CCT8L2: variants seen among roughly 807,000 people sequenced by gnomAD.
The protein encoded by CCT8L2 is T-complex protein 1 subunit theta-like 2.
In CCT8L2, 29 loss-of-function variants were observed where a neutral mutation model predicts 31.5. The observed-to-expected ratio is 0.92, with a 90% CI of 0.68 to 1.25. CCT8L2 has a LOEUF of 1.25. CCT8L2 is among the 50% of genes most tolerant of loss of function. The pLI is 0.00. For missense variants in CCT8L2, 589 were observed against 695.7 expected, an observed-to-expected ratio of 0.85 and a Z score of 1.73; for synonymous variants, 256 against 290.1, an observed-to-expected ratio of 0.88 and a Z score of 1.19.
rs768464705 is a variant in CCT8L2 at position 16,592,555 on chromosome 22, C to T, written c.-5G>A. 1.1e-5 allele frequency: 17 copies of T among 1,592,058 alleles called. No individual in the cohort carries two copies. Among genetic ancestry groups the T allele is most frequent in the East Asian group, 9.0e-5 (4 of 44,620 alleles). The stretch of plus-strand genomic sequence containing the variant: ...TGAAGGGACTGTGCTGTCCATGGCC[C>T]GCAGAGAGAGGAGAGGCCACCGTGG... On this transcript the variant is annotated 5_prime_UTR_variant, in exon 1 of 1. Coordinates refer to ENST00000359963, the MANE Select transcript of CCT8L2 (RefSeq NM_014406.5).
chr22:16,590,851 C>T lies in CCT8L2; in HGVS notation c.*26G>A. 1 of 1,494,138 alleles carries T rather than the reference C, an allele frequency of 6.7e-7. No homozygotes were observed. Among genetic ancestry groups the T allele is most frequent in the Non-Finnish European group, 9.1e-7 (1 of 1,093,962 alleles). 92.6% of individuals were successfully genotyped at this position (1,494,138 alleles called of 1,614,324 possible). ...TTTGGGGTGATTGTTCCCTTCTTGG[C>T]AATCCCTGTTTTATTGAGGGTATCA... On this transcript the variant is annotated 3_prime_UTR_variant, in exon 1 of 1. Coordinates refer to ENST00000359963, the MANE Select transcript of CCT8L2 (RefSeq NM_014406.5).
rs1568981308 is a variant in CCT8L2 at position 16,590,795 on chromosome 22, A to T, written c.*82T>A. On this transcript the variant is annotated 3_prime_UTR_variant, in exon 1 of 1. Transcript: ENST00000359963. ...TTTATTTAAAGAAAGTGAATCAAGTACCAAACACGGAATAAAGGCAAACAT... is the reference window on the plus strand; with the variant it reads ...TTTATTTAAAGAAAGTGAATCAAGTTCCAAACACGGAATAAAGGCAAACAT... 1.1e-5 allele frequency: 11 copies of T among 1,039,398 alleles called. No individual in the cohort carries two copies. In the East Asian group the frequency reaches 2.6e-4, roughly 25 times the overall value. The allele number at this position is 1,039,398 out of a possible 1,614,324, so 64.4% of individuals were successfully genotyped here.
Position 16,590,757 on chromosome 22 carries a change from G to T in CCT8L2, c.*120C>A, listed in dbSNP as rs573565955. ...CTAAGCGCATGAAAAGAAATTTTAT[G>T]TTCCTTCATGTTTTTATTTAAAGAA... On this transcript the variant is annotated 3_prime_UTR_variant, in exon 1 of 1. Transcript: ENST00000359963. The T allele has an allele frequency of 1.6e-5, 13 of 796,858 alleles. No individual in the cohort carries two copies. The South Asian group carries it at 2.3e-4, about 14-fold the overall frequency. The allele number at this position is 796,858 out of a possible 1,614,324, so 49.4% of individuals were successfully genotyped here.
Position 16,592,170 on chromosome 22 carries a change from C to G in CCT8L2, c.381G>C (p.Leu127=), listed in dbSNP as rs758059025. The G allele has an allele frequency of 5.0e-6, 8 of 1,614,180 alleles. No homozygotes were observed. In the East Asian group the frequency reaches 6.7e-5, roughly 13 times the overall value. ...EQAEQLLKAG[L]PRPQLREAYA... is the part of the protein sequence containing the mutation. ...AGGCCTCCCGGAGCTGCGGGCGAGG[C>G]AGGCCAGCCTTCAGCAGCTGCTCTG... The change falls in exon 1 of 1, where the codon CTG becomes CTC. Residue 127 remains leucine (L), a synonymous_variant. Coordinates refer to ENST00000359963, the MANE Select transcript of CCT8L2 (RefSeq NM_014406.5).
Position 16,590,901 on chromosome 22 carries a change from T to G in CCT8L2, c.1650A>C (p.Lys550Asn). ...TKKHPPPVET[K>N]KILGLNN ...ACTAGTTATTCAATCCAAGGATTTT[T>G]TTTGTTTCCACAGGAGGTGGGTGTT... The change falls in exon 1 of 1, where the codon AAA becomes AAC. Residue 550 changes from lysine (K) to asparagine (N), a missense_variant. Coordinates refer to ENST00000359963, the MANE Select transcript of CCT8L2 (RefSeq NM_014406.5). The G allele has an allele frequency of 1.9e-6, 3 of 1,610,472 alleles. No individual in the cohort carries two copies. The highest frequency in any genetic ancestry group is 1.1e-5 in the South Asian group (1 of 90,298).
rs747219122 is a variant in CCT8L2 at position 16,592,455 on chromosome 22, G to A, written c.96C>T (p.His32=). 1.9e-6 allele frequency: 3 copies of A among 1,614,160 alleles called. No homozygotes were observed. The highest frequency in any genetic ancestry group is 2.5e-6 in the Non-Finnish European group (3 of 1,180,038). ...SPRSPEEEEP[H]LLSSLAAVQT... ...GGACTGCAGCCAAGCTGCTCAGCAG[G>A]TGGGGCTCCTCCTCTTCTGGACTCC... Residue 32 remains histidine, a synonymous_variant, in exon 1 of 1, where the codon CAC becomes CAT. Coordinates refer to ENST00000359963, the MANE Select transcript of CCT8L2 (RefSeq NM_014406.5).
In CCT8L2 at chr22:16,590,944, T is replaced by A. The variant is rs769654962; in HGVS notation, c.1607A>T (p.Asp536Val). The A allele has an allele frequency of 6.2e-7, 1 of 1,613,752 alleles. No homozygotes were observed. ...TGGGTGTTTCTTTGTCTTCTTAGAGTCAGGATTCCAGATCTCCTGATGTGT... is the reference window on the plus strand; with the variant it reads ...TGGGTGTTTCTTTGTCTTCTTAGAGACAGGATTCCAGATCTCCTGATGTGT... Reference protein sequence around the residue: ...SPTHQEIWNPDSKKTKKHPPP... With the variant: ...SPTHQEIWNPVSKKTKKHPPP... The change falls in exon 1 of 1, where the codon GAC (aspartate) becomes GTC (valine). Residue 536 changes from aspartate (D) to valine (V), a missense_variant. Coordinates refer to ENST00000359963, the MANE Select transcript of CCT8L2 (RefSeq NM_014406.5).
Position 16,591,924 on chromosome 22 carries a change from G to C in CCT8L2, c.627C>G (p.Pro209=), listed in dbSNP as rs530849622. The C allele has an allele frequency of 1.2e-6, 2 of 1,614,068 alleles. No individual in the cohort carries two copies. Among genetic ancestry groups the C allele is most frequent in the African/African-American group, 2.7e-5 (2 of 75,014 alleles). The change falls in exon 1 of 1, where the codon CCC becomes CCG. Residue 209 remains proline, a synonymous_variant. Transcript: ENST00000359963. ...GGCAGGAATCCTCCAGTGTCCCCCC[G>C]GGCAGCGCGCACACCCCAACACGCT... The part of the protein sequence containing the change: ...KPERVGVCAL[P]GGTLEDSCLL...
chr22:16,591,597 C>T lies in CCT8L2; in HGVS notation c.954G>A (p.Arg318=). 1 of 1,614,192 alleles carries T rather than the reference C, an allele frequency of 6.2e-7. No homozygotes were observed. The highest frequency in any genetic ancestry group is 8.5e-7 in the Non-Finnish European group (1 of 1,180,022). ...DKYGIVVIQA[R]SWMEIIYLSE... is the part of the protein sequence containing the mutation. ...TCAGGTAAATGATCTCCATCCAAGA[C>T]CTAGCTTGAATCACCACGATGCCAT... Residue 318 remains arginine (R), a synonymous_variant, in exon 1 of 1, where the codon AGG becomes AGA. Transcript: ENST00000359963.
In CCT8L2 at chr22:16,592,326, G is replaced by A; in HGVS notation, c.225C>T (p.Ala75=). 1 of 1,614,208 alleles carries A rather than the reference G, an allele frequency of 6.2e-7. No homozygotes were observed. The highest frequency in any genetic ancestry group is 8.5e-7 in the Non-Finnish European group (1 of 1,180,026). ...GETVCTGCAT[A]ILRALELEHP... ...GCTCCAGCTCCAGGGCCCTGAGGAT[G>A]GCAGTGGCACACCCCGTGCACACTG... The change falls in exon 1 of 1, where the codon GCC becomes GCT. Residue 75 remains alanine, a synonymous_variant. Coordinates refer to ENST00000359963, the MANE Select transcript of CCT8L2 (RefSeq NM_014406.5).
Position 16,591,301 on chromosome 22 carries a change from A to G in CCT8L2, c.1250T>C (p.Met417Thr). 1.2e-6 allele frequency: 2 copies of G among 1,613,998 alleles called. No individual in the cohort carries two copies. The highest frequency in any genetic ancestry group is 2.2e-5 in the East Asian group (1 of 44,884). Residue 417 changes from methionine to threonine, a missense_variant, in exon 1 of 1, where the codon ATG (methionine) becomes ACG (threonine). Physicochemically the swap from Met to Thr is moderately conservative, Grantham distance 81 (BLOSUM62 -1). Transcript: ENST00000359963. Reference protein sequence around the residue: ...RLIPGAGATEMALAKMLSDKG... With the variant: ...RLIPGAGATETALAKMLSDKG... ...ATCAGAAAGCATTTTTGCCAAAGCC[A>G]TTTCTGTGGCCCCAGCTCCTGGAAT... is the stretch of plus-strand genomic sequence containing the variant.
chr22:16,591,399 C>A lies in CCT8L2; in HGVS notation c.1152G>T (p.Gly384=). The A allele has an allele frequency of 6.2e-7, 1 of 1,614,066 alleles. No homozygotes were observed. The highest frequency in any genetic ancestry group is 8.5e-7 in the Non-Finnish European group (1 of 1,179,902). The part of the protein sequence containing the change: ...TVVLRGATTQ[G]LRSAEQAVYH... ...AGACGGCCTGCTCTGCACTCCGCAGCCCCTGGGTGGTGGCTCCCCTGAGAA... is the reference window on the plus strand; with the variant it reads ...AGACGGCCTGCTCTGCACTCCGCAGACCCTGGGTGGTGGCTCCCCTGAGAA... The change falls in exon 1 of 1, where the codon GGG becomes GGT. Residue 384 remains glycine, a synonymous_variant. Transcript: ENST00000359963.
rs1342365871 is a variant in CCT8L2, at chr22:16,592,518, C to T, written c.33G>A (p.Leu11=). The change falls in exon 1 of 1, where the codon CTG becomes CTA. Residue 11 remains leucine (L), a synonymous_variant. Transcript: ENST00000359963. ...TTGGGTTCAGTGCCAGCCGCTGGGGCAGCTCCAGGGCTGAAGGGACTGTGC... is the reference window on the plus strand; with the variant it reads ...TTGGGTTCAGTGCCAGCCGCTGGGGTAGCTCCAGGGCTGAAGGGACTGTGC... MDSTVPSALE[L]PQRLALNPRE... 1.9e-6 allele frequency: 3 copies of T among 1,613,710 alleles called. No individual in the cohort carries two copies. Among genetic ancestry groups the T allele is most frequent in the East Asian group, 2.2e-5 (1 of 44,878 alleles).
Position 16,591,126 on chromosome 22 carries a change from G to T in CCT8L2, c.1425C>A (p.Asn475Lys), listed in dbSNP as rs141401694. ...AEMSGVHQGGNLLMGVGTEGI... is the reference protein window; with the variant it reads ...AEMSGVHQGGKLLMGVGTEGI... ...CTTCAGTTCCCACACCCATTAGGAG[G>T]TTCCCACCTTGGTGCACTCCACTCA... is the stretch of plus-strand genomic sequence containing the variant. Residue 475 changes from asparagine (N) to lysine (K), a missense_variant, in exon 1 of 1, where the codon AAC becomes AAA. Coordinates refer to ENST00000359963, the MANE Select transcript of CCT8L2 (RefSeq NM_014406.5). The T allele has an allele frequency of 4.6e-4, 737 of 1,613,884 alleles. 1 individual carries two copies. The highest frequency in any genetic ancestry group is 8.8e-4 in the Admixed American group (53 of 59,996).
chr22:16,592,668 C>A lies in CCT8L2; in HGVS notation c.-118G>T. 1 of 821,132 alleles carries A rather than the reference C, an allele frequency of 1.2e-6. No homozygotes were observed. Among genetic ancestry groups the A allele is most frequent in the South Asian group, 1.8e-5 (1 of 55,004 alleles). 50.9% of individuals were successfully genotyped at this position (821,132 alleles called of 1,614,324 possible). A position where few individuals can be genotyped will look rare whatever the true frequency, so the allele number is the denominator to read the frequency against. ...CAAGAGGTCAGTGGAAGCAAGGAGC[C>A]AAATGCCCATTGATTGGTATCTGAA... On this transcript the variant is annotated 5_prime_UTR_variant, in exon 1 of 1. Transcript: ENST00000359963.
Position 16,591,745 on chromosome 22 carries a change from T to G in CCT8L2, c.806A>C (p.Gln269Pro). 1.2e-6 allele frequency: 2 copies of G among 1,614,164 alleles called. No individual in the cohort carries two copies. Among genetic ancestry groups the G allele is most frequent in the African/African-American group, 2.7e-5 (2 of 75,034 alleles). ...ARLSSPADLAQFSKGSDQLLE... is the reference protein window; with the variant it reads ...ARLSSPADLAPFSKGSDQLLE... Reference sequence around the variant, plus strand: ...TAATTGATCGCTTCCTTTACTAAATTGAGCTAGATCAGCAGGACTAGAAAG... The same window carrying G: ...TAATTGATCGCTTCCTTTACTAAATGGAGCTAGATCAGCAGGACTAGAAAG... The change falls in exon 1 of 1, where the codon CAA becomes CCA. Residue 269 changes from glutamine to proline, a missense_variant. Transcript: ENST00000359963.
At position 16,591,384 on chromosome 22, in the gene CCT8L2, C is replaced by G; in HGVS notation, c.1167G>C (p.Glu389Asp). Reference protein sequence around the residue: ...GATTQGLRSAEQAVYHGIDAY... With the variant: ...GATTQGLRSADQAVYHGIDAY... ...CATCAATGCCGTGGTAGACGGCCTGCTCTGCACTCCGCAGCCCCTGGGTGG... is the reference window on the plus strand; with the variant it reads ...CATCAATGCCGTGGTAGACGGCCTGGTCTGCACTCCGCAGCCCCTGGGTGG... Residue 389 changes from glutamate (E) to aspartate (D), a missense_variant, in exon 1 of 1, where the codon GAG becomes GAC. Glu to Asp is a conservative substitution (Grantham distance 45, BLOSUM62 2). Transcript: ENST00000359963. The G allele has an allele frequency of 6.2e-7, 1 of 1,614,068 alleles. No individual in the cohort carries two copies. The highest frequency in any genetic ancestry group is 2.2e-5 in the East Asian group (1 of 44,890).
In CCT8L2 at chr22:16,591,580, A is replaced by G. The variant is rs754147045; in HGVS notation, c.971T>C (p.Ile324Thr). Residue 324 changes from isoleucine to threonine, a missense_variant, in exon 1 of 1, where the codon ATT becomes ACT. Ile to Thr is a moderately conservative substitution (Grantham distance 89). Coordinates refer to ENST00000359963, the MANE Select transcript of CCT8L2 (RefSeq NM_014406.5). ...VIQARSWMEI[I>T]YLSEVLDTPL... The stretch of plus-strand genomic sequence containing the variant: ...TGTGTCCAACACCTCACTCAGGTAA[A>G]TGATCTCCATCCAAGACCTAGCTTG... The G allele has an allele frequency of 6.2e-7, 1 of 1,614,160 alleles. No homozygotes were observed. The highest frequency in any genetic ancestry group is 8.5e-7 in the Non-Finnish European group (1 of 1,180,020).
rs774078710 is a variant in CCT8L2, at chr22:16,590,871, G to A, written c.*6C>T. On this transcript the variant is annotated 3_prime_UTR_variant, in exon 1 of 1. Coordinates refer to ENST00000359963, the MANE Select transcript of CCT8L2 (RefSeq NM_014406.5). ...CTTGGCAATCCCTGTTTTATTGAGG[G>A]TATCACTAGTTATTCAATCCAAGGA... 1 of 1,582,024 alleles carries A rather than the reference G, an allele frequency of 6.3e-7. No homozygotes were observed. The highest frequency in any genetic ancestry group is 2.2e-5 in the East Asian group (1 of 44,686).
Sources: allele counts gnomAD v4.1 joint callset, GRCh38; gene constraint gnomAD v4.1.1; transcripts MANE v1.5; gene names NCBI Gene and HGNC (gene_info 2026-07-23, HGNC 2026-07-21).